The following TBC1D5 variants were observed in gnomAD, a reference collection of about 807,000 sequenced individuals.
TBC1D5 encodes TBC1 domain family, member 5.
In TBC1D5, 75 loss-of-function variants were observed where a neutral mutation model predicts 100.3. The ratio of observed to expected loss-of-function variants is 0.75; its 90% CI spans 0.62 to 0.91. The LOEUF (loss-of-function observed/expected upper bound fraction) is 0.91. Ranked by LOEUF, TBC1D5 falls within the 40% of genes least tolerant of loss-of-function variation. TBC1D5 has a pLI of 0.00. For missense variants in TBC1D5, 910 were observed against 942.4 expected (o/e 0.97, Z 0.45); for synonymous variants, 323 against 325.6 (o/e 0.99, Z 0.09).
chr3:17,723,481 A>G (rs1364478685), intron 1 of TBC1D5, among the ~76,000 whole-genome samples: 1 of 152,202 alleles, frequency 6.6e-6, no homozygotes, highest in Non-Finnish European at 1.5e-5. Flanking sequence ...TGTATTGGTA[A>G]AAGTACTGCC....
intron 14 of TBC1D5, among the ~76,000 whole-genome samples, chr3:17,303,551 T>C (rs962840345): frequency 6.6e-6 from 1 of 152,188 alleles, no homozygotes; most frequent in East Asian, 1.9e-4. Flanking sequence ...TCACAATCCC[T>C]TGGTCTTCAA....
In TBC1D5 at chr3:17,502,999, T is replaced by C. The variant is rs541775351; in HGVS notation, c.97+5475A>G. Among the ~76,000 whole-genome samples, 23 of 149,824 alleles carry C rather than the reference T, an allele frequency of 1.5e-4. 2 individuals are homozygous for C. Among genetic ancestry groups the C allele is most frequent in the African/African-American group, 5.6e-4 (22 of 39,562 alleles). ...TAGAATATTTCGATGGCTTCCGAAA[T>C]GATTGTTCAGCTTCTAGTTTTTCCC... is the stretch of plus-strand genomic sequence containing the variant. On this transcript the variant is annotated intron_variant, in intron 3 of 21. Coordinates refer to ENST00000253692, the Ensembl canonical transcript of TBC1D5.
At chr3:17,175,532 G>T (rs1428165723) in intron 19 of TBC1D5, among the ~76,000 whole-genome samples, 2 of 152,136 alleles carry the variant, frequency 1.3e-5, no homozygotes, top group East Asian at 3.9e-4. Flanking sequence ...AACTTGAAAG[G>T]TCTCTAAGTT....
At chr3:17,160,448 T>C (rs2065932308) in exon 22 of TBC1D5, 1 of 154,684 alleles carries the variant, frequency 6.5e-6, no homozygotes, top group Non-Finnish European at 1.4e-5. Flanking sequence ...CTCTGCGATA[T>C]GGCTTCCCAA....
intron 2 of TBC1D5, among the ~76,000 whole-genome samples, chr3:17,575,614 T>A: frequency 6.6e-6 from 1 of 152,122 alleles, no homozygotes; most frequent in East Asian, 1.9e-4. Flanking sequence ...ATAACCTGCC[T>A]GGCTGGGAAT....
intron 1 of TBC1D5, among the ~76,000 whole-genome samples, chr3:17,645,478 C>T (rs542542271): frequency 6.6e-6 from 1 of 152,218 alleles, no homozygotes; most frequent in Admixed American, 6.6e-5. Context: ...GCGACCACTT[C>T]GGCAACTAAA....
chr3:17,685,987 A>G (rs1336072345), intron 1 of TBC1D5, among the ~76,000 whole-genome samples: 1 of 152,180 alleles, frequency 6.6e-6, no homozygotes, highest in Non-Finnish European at 1.5e-5. Flanking sequence ...GTCATAAACT[A>G]TGTCAAGATT....
At chr3:17,247,822 C>T (rs1209847531) in intron 16 of TBC1D5, among the ~76,000 whole-genome samples, 1 of 152,026 alleles carries the variant, frequency 6.6e-6, no homozygotes. Flanking sequence ...GCATATTTAC[C>T]AGGAGTAGAT....
At chr3:17,328,175 TG>T (rs1016287315) in intron 13 of TBC1D5, among the ~76,000 whole-genome samples, 20 of 151,580 alleles carry the variant, frequency 1.3e-4, no homozygotes, top group Non-Finnish European at 2.8e-4. Context: ...GAGGCTGAAG[TG>T]GGAGGATCGC....
At chr3:17,572,363 C>A (rs1350774141) in intron 2 of TBC1D5, among the ~76,000 whole-genome samples, 2 of 151,810 alleles carry the variant, frequency 1.3e-5, no homozygotes, top group South Asian at 2.1e-4. Flanking sequence ...GAAGTCCAAA[C>A]CTTTTCCATC....
chr3:17,238,244 C>T lies in TBC1D5; in HGVS notation c.1507G>A (p.Ala503Thr), dbSNP rs1207891913. 16 of 1,613,846 alleles carry T rather than the reference C, an allele frequency of 9.9e-6. No individual in the cohort carries two copies. Among genetic ancestry groups the T allele is most frequent in the Non-Finnish European group, 1.4e-5 (16 of 1,179,938 alleles). ...TGCTGTTGCAAGTGATGGCTTGGGGCCTCTGCTGAGGTCCTGGTAGGAATT... is the reference window on the plus strand; with the variant it reads ...TGCTGTTGCAAGTGATGGCTTGGGGTCTCTGCTGAGGTCCTGGTAGGAATT... The change falls in exon 17 of 22, where the codon GCC (alanine) becomes ACC (threonine). Residue 503 changes from alanine (A) to threonine (T), a missense_variant. By Grantham distance (58) the Ala-to-Thr change is moderately conservative (BLOSUM62 0). Transcript: ENST00000253692.
At chr3:17,364,500 TTC>T (rs1331822833) in intron 13 of TBC1D5, among the ~76,000 whole-genome samples, 10 of 152,204 alleles carry the variant, frequency 6.6e-5, no homozygotes, top group African/African-American at 1.9e-4. Flanking sequence ...TACAAGGCTA[TTC>T]TCTGTTTCTT....
At chr3:17,594,506 C>G (rs897933866) in intron 2 of TBC1D5, among the ~76,000 whole-genome samples, 1 of 152,202 alleles carries the variant, frequency 6.6e-6, no homozygotes, top group African/African-American at 2.4e-5. Context: ...AGAATCAATA[C>G]CAGCTACAGT....
chr3:17,657,374 T>A (rs2153733345), intron 1 of TBC1D5, among the ~76,000 whole-genome samples: 1 of 146,692 alleles, frequency 6.8e-6, no homozygotes, highest in Non-Finnish European at 1.5e-5. Flanking sequence ...TCTCACTCTG[T>A]CGCGAGGCTG....
At position 17,337,123 on chromosome 3, in the gene TBC1D5, G is replaced by GTTTTTTTTTTTTTTTTTTTTT. The variant is rs11328091; in HGVS notation, c.996-29010_996-28990dup. 1.0e-4 allele frequency among the ~76,000 whole-genome samples: 12 copies of GTTTTTTTTTTTTTTTTTTTTT among 116,130 alleles called. 1 individual carries two copies. Among genetic ancestry groups the GTTTTTTTTTTTTTTTTTTTTT allele is most frequent in the African/African-American group, 3.9e-4 (11 of 28,458 alleles). 76.2% of individuals were successfully genotyped at this position (116,130 alleles called of 152,430 possible). A position where few individuals can be genotyped will look rare whatever the true frequency, so the allele number is the denominator to read the frequency against. On this transcript the variant is annotated intron_variant, in intron 13 of 21. Transcript: ENST00000253692. ...AGCTTGCACCAAAATTATCTGAGAG[G>GTTTTTTTTTTTTTTTTTTTTT]TTTTTTTTTTTTTTTTTTTTTTAAG... is the stretch of plus-strand genomic sequence containing the variant.
intron 3 of TBC1D5, among the ~76,000 whole-genome samples, chr3:17,460,901 G>A (rs958861547): frequency 1.1e-4 from 16 of 151,992 alleles, no homozygotes; most frequent in Admixed American, 6.6e-4. Context: ...TACTATATTT[G>A]GAGTTATAAA....
At chr3:17,474,416 T>G (rs1267128777) in intron 3 of TBC1D5, among the ~76,000 whole-genome samples, 1 of 152,150 alleles carries the variant, frequency 6.6e-6, no homozygotes, top group Non-Finnish European at 1.5e-5. Context: ...TCTATTTAAT[T>G]CATTAAAAAT....
intron 13 of TBC1D5, among the ~76,000 whole-genome samples, chr3:17,339,469 C>G (rs535967524): frequency 1.2e-4 from 18 of 152,270 alleles, no homozygotes; most frequent in African/African-American, 4.1e-4. Flanking sequence ...TATCTGATGA[C>G]CCATCAAGCT....
chr3:17,375,566 A>T (rs535117226), intron 10 of TBC1D5, among the ~76,000 whole-genome samples: 32 of 121,136 alleles, frequency 2.6e-4, no homozygotes, highest in Middle Eastern at 3.8e-3. Flanking sequence ...CATAAAATTT[A>T]AAAAAAAAAA....
Sources: allele counts gnomAD v4.1 joint callset (sites outside exome capture counted in the v4.1 genomes callset), GRCh38; gene constraint gnomAD v4.1.1; transcripts MANE v1.5; gene names NCBI Gene and HGNC (gene_info 2026-07-23, HGNC 2026-07-21).